IL4R: variants seen among roughly 807,000 people sequenced by gnomAD.
IL4R encodes interleukin-4 receptor subunit alpha.
IL4R carries 17 observed loss-of-function variants against 41.5 expected under a neutral mutation model. The ratio of observed to expected loss-of-function variants is 0.41; its 90% CI spans 0.28 to 0.61. IL4R has a LOEUF of 0.61. IL4R is among the 20% of genes least tolerant of loss of function. The pLI is 0.31. For missense variants in IL4R, 974 were observed against 1,043.1 expected (o/e 0.93, Z 0.91); for synonymous variants, 402 against 422.9 (o/e 0.95, Z 0.61).
chr16:27,337,129 A>AGAT (rs1258935510), intron 2 of IL4R, among the ~76,000 whole-genome samples: 1 of 152,016 alleles, frequency 6.6e-6, no homozygotes, highest in African/African-American at 2.4e-5. Flanking sequence ...ACAAAAAAGA[A>AGAT]GAAGTGTAGG....
At chr16:27,333,594 T>A (rs2085172200) in intron 2 of IL4R, among the ~76,000 whole-genome samples, 3 of 150,648 alleles carry the variant, frequency 2.0e-5, no homozygotes, top group Admixed American at 2.0e-4. Context: ...TTGTGTGGAT[T>A]CGGTGAGGTA....
chr16:27,343,136 C>T (rs1380999003), intron 4 of IL4R, among the ~76,000 whole-genome samples: 1 of 152,146 alleles, frequency 6.6e-6, no homozygotes, highest in Non-Finnish European at 1.5e-5. Flanking sequence ...TACACTGGTG[C>T]CCAGGACATA....
chr16:27,341,935 C>T (rs2085453559), intron 3 of IL4R, 186 bp from the exon 4 acceptor site: 2 of 591,280 alleles, frequency 3.4e-6, no homozygotes, highest in Non-Finnish European at 2.9e-6. Flanking sequence ...CTTCAGCTTC[C>T]ACAGTCATCC....
At chr16:27,353,150 G>A (rs1228629832) in intron 7 of IL4R, among the ~76,000 whole-genome samples, 3 of 152,098 alleles carry the variant, frequency 2.0e-5, no homozygotes, top group African/African-American at 7.2e-5. Context: ...GGGCAATATA[G>A]TGAAACCCCC....
intron 8 of IL4R, among the ~76,000 whole-genome samples, chr16:27,356,221 A>C (rs948475716): frequency 2.6e-5 from 4 of 151,130 alleles, no homozygotes; most frequent in Non-Finnish European, 5.9e-5. Context: ...CCTCCAGAGT[A>C]GCTGGGATTA....
chr16:27,313,807 A>T, upstream of IL4R: 1 of 593,842 alleles, frequency 1.7e-6, no homozygotes, highest in Non-Finnish European at 2.1e-6. Context: ...GGACAGCGAC[A>T]GGGGCGCGAG....
At chr16:27,344,677 C>T (rs1184296935) in intron 4 of IL4R, among the ~76,000 whole-genome samples, 192 bp from the exon 5 acceptor site, 2 of 152,218 alleles carry the variant, frequency 1.3e-5, no homozygotes, top group East Asian at 1.9e-4. Flanking sequence ...AGGCTGTGGC[C>T]AGCAAGAGAG....
intron 6 of IL4R, among the ~76,000 whole-genome samples, chr16:27,352,101 C>T (rs909592553): frequency 5.9e-5 from 9 of 152,132 alleles, no homozygotes; most frequent in African/African-American, 1.9e-4. Flanking sequence ...GAAATACTTA[C>T]GTATATTAAC....
In IL4R at chr16:27,327,120, G is replaced by T. The variant is rs138159467; in HGVS notation, c.-151-2946G>T. Among the ~76,000 whole-genome samples the T allele has an allele frequency of 2.0e-5, 3 of 152,126 alleles. No homozygotes were observed. The East Asian group carries it at 5.8e-4, about 29-fold the overall frequency. On this transcript the variant is annotated intron_variant, in intron 1 of 10. Transcript: ENST00000395762. ...CAGTTTCTGTCGTGGAGTTTCAGGG[G>T]TCAGCGGCTCCAAAGCCCCAGCCCC...
At position 27,363,443 on chromosome 16, in the gene IL4R, G is replaced by T. The variant is rs2141229694; in HGVS notation, c.2091G>T (p.Glu697Asp). 1 of 1,614,124 alleles carries T rather than the reference G, an allele frequency of 6.2e-7. No individual in the cohort carries two copies. The highest frequency in any genetic ancestry group is 8.5e-7 in the Non-Finnish European group (1 of 1,180,006). ...TGCCAAAGCCCCCACTTCCCCAGGA[G>T]CAGGCCACAGACCCCCTTGTGGACA... ...EDMPKPPLPQ[E>D]QATDPLVDSL... Residue 697 changes from glutamate to aspartate, a missense_variant, in exon 11 of 11, where the codon GAG (glutamate) becomes GAT (aspartate). Physicochemically the swap from Glu to Asp is conservative, Grantham distance 45 (BLOSUM62 2). Around this residue, in one of 3 missense-constraint regions of IL4R, gnomAD observed 682 missense variants for 704.3 expected, o/e 0.97. Coordinates refer to ENST00000395762, the MANE Select transcript of IL4R (RefSeq NM_000418.4).
chr16:27,356,034 A>C, intron 8 of IL4R, 127 bp downstream of exon 8: 3 of 626,764 alleles, frequency 4.8e-6, no homozygotes, highest in African/African-American at 1.9e-5. Flanking sequence ...CAGCTACTAC[A>C]CACCTTGAGA....
chr16:27,327,610 G>A (rs148250914), intron 1 of IL4R, among the ~76,000 whole-genome samples: 53 of 152,146 alleles, frequency 3.5e-4, no homozygotes, highest in African/African-American at 7.2e-4. Flanking sequence ...GGGGCTCCCC[G>A]GACAAAGTTC....
intron 2 of IL4R, among the ~76,000 whole-genome samples, chr16:27,332,491 T>C (rs1379789002): frequency 6.6e-6 from 1 of 152,064 alleles, no homozygotes; most frequent in East Asian, 1.9e-4. Context: ...CATATTACAA[T>C]TCAAGGTGAG....
chr16:27,318,341 T>C (rs909018173), intron 1 of IL4R, among the ~76,000 whole-genome samples: 2 of 152,154 alleles, frequency 1.3e-5, no homozygotes, highest in Non-Finnish European at 2.9e-5. Context: ...GGAGAGAACA[T>C]GGACCTGCAA....
intron 1 of IL4R, among the ~76,000 whole-genome samples, chr16:27,314,462 G>C (rs1284526405): frequency 1.3e-5 from 2 of 152,242 alleles, no homozygotes; most frequent in Admixed American, 6.5e-5. Flanking sequence ...AGTGAATCGG[G>C]GCGGTCTCCG....
At chr16:27,319,529 C>G in intron 1 of IL4R, among the ~76,000 whole-genome samples, 1 of 152,340 alleles carries the variant, frequency 6.6e-6, no homozygotes, top group Non-Finnish European at 1.5e-5. Context: ...TCGGTGTACT[C>G]CCTGCCATCC....
intron 1 of IL4R, chr16:27,314,261 C>T: frequency 2.7e-6 from 1 of 367,782 alleles, no homozygotes; most frequent in Non-Finnish European, 3.8e-6. Flanking sequence ...TCCCCAAAGC[C>T]GGTGCTGGCA....
At chr16:27,322,158 T>C (rs1166430747) in intron 1 of IL4R, among the ~76,000 whole-genome samples, 1 of 150,586 alleles carries the variant, frequency 6.6e-6, no homozygotes. Flanking sequence ...CAATTCACCA[T>C]AATAGAGGCT....
At chr16:27,347,191 T>C (rs1463834192) in intron 6 of IL4R, among the ~76,000 whole-genome samples, 3 of 152,024 alleles carry the variant, frequency 2.0e-5, no homozygotes, top group South Asian at 2.1e-4. Flanking sequence ...TGGTGGAGTT[T>C]TTGTTGTTGT....
Sources: allele counts gnomAD v4.1 joint callset (sites outside exome capture counted in the v4.1 genomes callset), GRCh38; gene constraint gnomAD v4.1.1; regional missense constraint gnomAD v4.1.1; transcripts MANE v1.5; gene names NCBI Gene and HGNC (gene_info 2026-07-23, HGNC 2026-07-21).